Variants in HGS observed in about 807,000 individuals in gnomAD.
The protein encoded by HGS is human growth factor-regulated tyrosine kinase substrate.
HGS carries 63 observed loss-of-function variants against 109.7 expected under a neutral mutation model. That is an observed-to-expected ratio of 0.57 (90% CI 0.47 to 0.71). The LOEUF is 0.71. HGS is among the 30% of genes least tolerant of loss of function. The probability of loss-of-function intolerance (pLI) is 0.00; values close to 1 mark genes in which losing one functional copy is unlikely to be tolerated. For synonymous variants in HGS, 546 were observed against 437.3 expected (o/e 1.25, Z -3.10); for missense variants, 995 against 1,068.3 (o/e 0.93, Z 0.96).
chr17:81,691,112 A>C lies in HGS; in HGVS notation c.538-335A>C. On this transcript the variant is annotated intron_variant, in intron 7 of 21. Transcript: ENST00000329138. The surrounding 1 kb of genome is among the most constrained non-coding windows in gnomAD (Gnocchi z 5.3). The stretch of plus-strand genomic sequence containing the variant: ...CATCAAAACCCCCTCCAGGCTGGCA[A>C]CCGGCAGTGCTTGGGGTTTGGGGTG... 2.4e-6 allele frequency: 1 copy of C among 421,372 alleles called. No homozygotes were observed. The highest frequency in any genetic ancestry group is 4.3e-6 in the Non-Finnish European group (1 of 231,596). The allele number at this position is 421,372 out of a possible 1,614,324, so 26.1% of individuals were successfully genotyped here. A position where few individuals can be genotyped will look rare whatever the true frequency, so the allele number is the denominator to read the frequency against.
chr17:81,691,371 C>A lies in HGS; in HGVS notation c.538-76C>A, dbSNP rs112862107. Reference sequence around the variant, plus strand: ...TGTGAGGCCCAGCTTCGGCATCGTACGGGGTGGTTCTGGGCCGGGTGGCGC... The same window carrying A: ...TGTGAGGCCCAGCTTCGGCATCGTAAGGGGTGGTTCTGGGCCGGGTGGCGC... On this transcript the variant is annotated intron_variant, in intron 7 of 21. Coordinates refer to ENST00000329138, the MANE Select transcript of HGS (RefSeq NM_004712.5). This position sits in a 1 kb window ranked among gnomAD's most constrained non-coding sequence, Gnocchi z 5.3. 84 of 1,587,734 alleles carry A rather than the reference C, an allele frequency of 5.3e-5. 1 individual carries two copies. The South Asian group carries it at 8.4e-4, about 16-fold the overall frequency.
Position 81,696,523 on chromosome 17 carries a change from G to A in HGS, c.1560G>A (p.Lys520=), listed in dbSNP as rs2144501260. The stretch of plus-strand genomic sequence containing the variant: ...AGAAGCTGGAGATAATGCGGCAGAA[G>A]AAGCAGGTGCAGTGGCTGCCCAGCC... ...LAQKLEIMRQ[K]KQEYLEVQRQ... is the part of the protein sequence containing the mutation. Residue 520 remains lysine (K), a synonymous_variant, in exon 16 of 22, where the codon AAG becomes AAA. Transcript: ENST00000329138. 2.0e-6 allele frequency: 3 copies of A among 1,531,474 alleles called. No individual in the cohort carries two copies. Among genetic ancestry groups the A allele is most frequent in the East Asian group, 2.3e-5 (1 of 43,110 alleles). The allele number at this position is 1,531,474 out of a possible 1,614,324, so 94.9% of individuals were successfully genotyped here.
rs1480022007 is a variant in HGS, at chr17:81,700,566, C to T, written c.1982C>T (p.Ser661Leu). Reference sequence around the variant, plus strand: ...GGACCCACCGCCAGCCCCGCTTACTCATCCTACCAGCCTACTCCCACAGCG... The same window carrying T: ...GGACCCACCGCCAGCCCCGCTTACTTATCCTACCAGCCTACTCCCACAGCG... Reference protein sequence around the residue: ...QAGPTASPAYSSYQPTPTAGY... With the variant: ...QAGPTASPAYLSYQPTPTAGY... The change falls in exon 19 of 22, where the codon TCA (serine) becomes TTA (leucine). Residue 661 changes from serine to leucine, a missense_variant. Transcript: ENST00000329138. 1.9e-6 allele frequency: 3 copies of T among 1,610,544 alleles called. No individual in the cohort carries two copies. In the East Asian group the frequency reaches 6.7e-5, roughly 36 times the overall value.
At chr17:81,689,269 C>A (rs893670856) in intron 5 of HGS, among the ~76,000 whole-genome samples, 4 of 152,322 alleles carry the variant, frequency 2.6e-5, no homozygotes, top group Middle Eastern at 3.4e-3. Context: ...GGCCAGCGTG[C>A]CAGAGGAGAG....
intron 18 of HGS, 184 bp downstream of exon 18, chr17:81,697,182 T>C (rs1189244296): frequency 5.1e-5 from 34 of 672,978 alleles, no homozygotes; most frequent in Non-Finnish European, 1.7e-5. Flanking sequence ...GGAGCCGTGT[T>C]TCAGTCCGTG....
rs746196600 is a variant in HGS at position 81,693,487 on chromosome 17, T to C, written c.663-16T>C. The C allele has an allele frequency of 2.5e-6, 4 of 1,607,708 alleles. No individual in the cohort carries two copies. Among genetic ancestry groups the C allele is most frequent in the East Asian group, 2.2e-5 (1 of 44,838 alleles). On this transcript the variant is annotated splice_polypyrimidine_tract_variant and intron_variant, in intron 8 of 21. Coordinates refer to ENST00000329138, the MANE Select transcript of HGS (RefSeq NM_004712.5). ...TGTCAGCGCATGGTGACCTGCAGCA[T>C]TCCTTGTGCCCACAGGAAAGCGGAG...
chr17:81,694,073 C>A, intron 11 of HGS, 108 bp downstream of exon 11: 1 of 942,074 alleles, frequency 1.1e-6, no homozygotes, highest in Non-Finnish European at 1.5e-6. Flanking sequence ...TGCGGGTCCC[C>A]GGGCTTCCCA....
Position 81,693,699 on chromosome 17 carries a change from C to G in HGS, c.787C>G (p.Leu263Val), listed in dbSNP as rs1218347992. 1.5e-5 allele frequency: 24 copies of G among 1,558,630 alleles called. No individual in the cohort carries two copies. The highest frequency in any genetic ancestry group is 2.1e-5 in the Non-Finnish European group (24 of 1,151,018). ...GACGGCCCTGCAGGAGGAGGAGGAG[C>G]TGCAGCTGGCCCTGGCGCTGTCACA... ...DETALQEEEE[L>V]QLALALSQSE... The change falls in exon 10 of 22, where the codon CTG (leucine) becomes GTG (valine). Residue 263 changes from leucine (L) to valine (V), a missense_variant. Coordinates refer to ENST00000329138, the MANE Select transcript of HGS (RefSeq NM_004712.5).
Position 81,691,267 on chromosome 17 carries a change from T to C in HGS, c.538-180T>C. 1.4e-6 allele frequency: 1 copy of C among 693,934 alleles called. No homozygotes were observed. The highest frequency in any genetic ancestry group is 2.4e-6 in the Non-Finnish European group (1 of 410,094). The allele number at this position is 693,934 out of a possible 1,614,324, so 43.0% of individuals were successfully genotyped here. On this transcript the variant is annotated intron_variant, in intron 7 of 21. Transcript: ENST00000329138. The surrounding 1 kb of genome is among the most constrained non-coding windows in gnomAD (Gnocchi z 5.3). ...CCAAAACGGTGGCTGGCGTTGAGAC[T>C]CCCGGGAGCATGTCCAGGTTCCCCG...
At chr17:81,697,618 A>ATCAGAGCCCTTTAT (rs34844749) in intron 18 of HGS, 1 of 151,946 alleles carries the variant, frequency 6.6e-6, no homozygotes, top group Non-Finnish European at 1.5e-5. Context: ...TTTGCCCTTT[A>ATCAGAGCCCTTTAT]CAGATGTCTC....
In HGS at chr17:81,688,871, G is replaced by A. The variant is rs1190500808; in HGVS notation, c.415+44G>A. 5 of 1,612,448 alleles carry A rather than the reference G, an allele frequency of 3.1e-6. No homozygotes were observed. In the South Asian group the frequency reaches 3.3e-5, roughly 11 times the overall value. ...TGGGACCAGGTTGAGGCTTGGAACT[G>A]CTGGGCAGTCAGGCTCAACGGGCAC... On this transcript the variant is annotated intron_variant, in intron 5 of 21. Transcript: ENST00000329138.
chr17:81,687,227 G>C (rs2036993146), intron 4 of HGS, 132 bp downstream of exon 4: 1 of 674,332 alleles, frequency 1.5e-6, no homozygotes, highest in Non-Finnish European at 2.7e-6. Flanking sequence ...GGTGGTCCCT[G>C]CACTGCGCAA....
At chr17:81,686,959 G>A in intron 3 of HGS, 44 bp from the exon 4 acceptor site, 1 of 1,524,286 alleles carries the variant, frequency 6.6e-7, no homozygotes, top group Non-Finnish European at 9.0e-7. Context: ...GAGGGGCCCT[G>A]CCCTGACCAC....
intron 4 of HGS, among the ~76,000 whole-genome samples, chr17:81,688,130 G>C (rs1028894545): frequency 1.3e-5 from 2 of 151,926 alleles, no homozygotes; most frequent in African/African-American, 4.9e-5. Context: ...AGCAGCCTCT[G>C]ATCGCACGCC....
Position 81,700,528 on chromosome 17 carries a change from C to A in HGS, c.1944C>A (p.Pro648=). Residue 648 remains proline, a synonymous_variant, in exon 19 of 22, where the codon CCC becomes CCA. Coordinates refer to ENST00000329138, the MANE Select transcript of HGS (RefSeq NM_004712.5). ...PAGATGAQAA[P]QAQAGPTASP... ...GGGCCACTGGGGCGCAGGCGGCCCC[C>A]CAGGCCCAGGCCGGACCCACCGCCA... 6.2e-7 allele frequency: 1 copy of A among 1,609,448 alleles called. No individual in the cohort carries two copies.
At chr17:81,695,653 G>A in intron 14 of HGS, 133 bp from the exon 15 acceptor site, 1 of 771,814 alleles carries the variant, frequency 1.3e-6, no homozygotes, top group Non-Finnish European at 2.2e-6. Context: ...AGCTGTAGAA[G>A]GGGCTGCTTG....
rs1211516467 is a variant in HGS, at chr17:81,701,456, C to T, written c.2224-52C>T. On this transcript the variant is annotated intron_variant, in intron 21 of 21. Transcript: ENST00000329138. ...CTCTGCTGGGACAAAAGCCTTCCTC[C>T]CTGGGCTGGGGAAGGGAGGACCAGG... 5 of 1,511,904 alleles carry T rather than the reference C, an allele frequency of 3.3e-6. No individual in the cohort carries two copies. In the African/African-American group the frequency reaches 4.1e-5, roughly 13 times the overall value. The allele number at this position is 1,511,904 out of a possible 1,614,324, so 93.7% of individuals were successfully genotyped here.
At position 81,693,547 on chromosome 17, in the gene HGS, A is replaced by T. The variant is rs775940039; in HGVS notation, c.707A>T (p.Glu236Val). ...ACTTCCACCACTGAGCTGCCCCCCG[A>T]GTACCTGACCAGCCCCCTGTCTCAG... ...KATSTTELPPEYLTSPLSQQS... is the reference protein window; with the variant it reads ...KATSTTELPPVYLTSPLSQQS... Residue 236 changes from glutamate (E) to valine (V), a missense_variant, in exon 9 of 22, where the codon GAG becomes GTG. By Grantham distance (121) the Glu-to-Val change is moderately radical. Transcript: ENST00000329138. 5.6e-6 allele frequency: 9 copies of T among 1,612,690 alleles called. No homozygotes were observed. Among genetic ancestry groups the T allele is most frequent in the Non-Finnish European group, 6.8e-6 (8 of 1,179,440 alleles).
chr17:81,689,341 C>T (rs1474872886), intron 5 of HGS, among the ~76,000 whole-genome samples: 1 of 152,230 alleles, frequency 6.6e-6, no homozygotes, highest in East Asian at 1.9e-4. Context: ...GGGTTGCTGT[C>T]AGCGCAGCAG....
Sources: gnomAD v4.1 joint callset for allele counts (sites outside exome capture counted in the v4.1 genomes callset) on GRCh38, gnomAD v4.1.1 for gene constraint, Gnocchi (gnomAD v3.1) non-coding constraint, MANE v1.5 for transcripts, NCBI Gene and HGNC (gene_info 2026-07-23, HGNC 2026-07-21) for gene names.